SFTPC: variants seen among roughly 807,000 people sequenced by gnomAD.
The protein encoded by SFTPC is BRICHOS domain containing 6.
In SFTPC, 12 loss-of-function variants were observed where a neutral mutation model predicts 19.9. The ratio of observed to expected loss-of-function variants is 0.60; its 90% CI spans 0.39 to 0.98. SFTPC has a LOEUF of 0.98. Ranked by LOEUF, SFTPC falls within the 50% of genes least tolerant of loss-of-function variation. The pLI is 0.00. For missense variants in SFTPC, 219 were observed against 252.2 expected (o/e 0.87, Z 0.89); for synonymous variants, 123 against 103.3 (o/e 1.19, Z -1.16).
intron 4 of SFTPC, 26 bp from the exon 5 acceptor site, chr8:22,163,875 C>A: frequency 6.3e-7 from 1 of 1,597,196 alleles, no homozygotes; most frequent in Non-Finnish European, 8.6e-7. Context: ...TCACTTCCTA[C>A]ATTCCAGATG....
chr8:22,158,846 T>C (rs1411650806), upstream of SFTPC: 1 of 152,266 alleles, frequency 6.6e-6, no homozygotes, highest in African/African-American at 2.4e-5. Context: ...CATCATTGAC[T>C]ATCATTAAGT....
At chr8:22,160,167 G>T (rs1246560343), upstream of SFTPC, among the ~76,000 whole-genome samples, 1 of 152,228 alleles carries the variant, frequency 6.6e-6, no homozygotes. Context: ...GCTTCTCAGG[G>T]GCTCTCAGTT....
At chr8:22,160,547 G>A (rs565689497), upstream of SFTPC, among the ~76,000 whole-genome samples, 2 of 152,306 alleles carry the variant, frequency 1.3e-5, no homozygotes, top group South Asian at 2.1e-4. Context: ...GGAGGTCAAC[G>A]CTGCAGTGAG....
At chr8:22,162,142 G>A (rs981192738) in intron 1 of SFTPC, among the ~76,000 whole-genome samples, 3 of 152,150 alleles carry the variant, frequency 2.0e-5, no homozygotes, top group South Asian at 4.1e-4. Context: ...TCAGAAGTCA[G>A]GGGACACTTC....
intron 3 of SFTPC, 80 bp downstream of exon 3, chr8:22,163,282 C>A: frequency 6.3e-7 from 1 of 1,589,286 alleles, no homozygotes; most frequent in South Asian, 1.1e-5. Context: ...ACTTCATCCA[C>A]ATCCATCTCT....
At chr8:22,160,612 CAACAAAACAA>C (rs75669198), upstream of SFTPC, among the ~76,000 whole-genome samples, 6 of 151,720 alleles carry the variant, frequency 4.0e-5, no homozygotes, top group Non-Finnish European at 5.9e-5. Flanking sequence ...CCCTGTCTCA[CAACAAAACAA>C]AACAAAACAA....
At chr8:22,162,946 T>A in intron 2 of SFTPC, 134 bp from the exon 3 acceptor site, 1 of 1,413,398 alleles carries the variant, frequency 7.1e-7, no homozygotes. Flanking sequence ...CTCCAGCACC[T>A]GGTTCCACTC....
upstream of SFTPC, chr8:22,161,538 G>A (rs80139123): frequency 3.4e-5 from 22 of 643,358 alleles, no homozygotes; most frequent in African/African-American, 3.5e-4. Context: ...GACACCCATG[G>A]TGAGAAGTGC....
chr8:22,162,034 G>T lies in SFTPC; in HGVS notation c.42+164G>T, dbSNP rs530557040. Among the ~76,000 whole-genome samples the T allele has an allele frequency of 3.1e-4, 47 of 152,184 alleles. No homozygotes were observed. The East Asian group carries it at 3.1e-3, about 10-fold the overall frequency. On this transcript the variant is annotated intron_variant, in intron 1 of 5. Transcript: ENST00000679463. ...TGGGGACACCAAGACCACTAAGCCAGGGACCCTTGGGGAGCTGTTTGTGGG... is the reference window on the plus strand; with the variant it reads ...TGGGGACACCAAGACCACTAAGCCATGGACCCTTGGGGAGCTGTTTGTGGG...
upstream of SFTPC, among the ~76,000 whole-genome samples, chr8:22,160,123 G>A (rs1827656957): frequency 6.6e-6 from 1 of 152,222 alleles, no homozygotes; most frequent in African/African-American, 2.4e-5. Context: ...AGGGTGGTGG[G>A]AGCAAACACT....
At chr8:22,159,827 G>C, upstream of SFTPC, 4 of 1,289,482 alleles carry the variant, frequency 3.1e-6, no homozygotes, top group Non-Finnish European at 4.0e-6. Flanking sequence ...CCGCTGGCCA[G>C]CTGCCCACCT....
upstream of SFTPC, among the ~76,000 whole-genome samples, chr8:22,161,036 C>T (rs187195336): frequency 3.7e-3 from 557 of 152,196 alleles, no homozygotes; most frequent in South Asian, 0.017. Flanking sequence ...CAGGGCTGTC[C>T]GGGCAGAAGA....
upstream of SFTPC, among the ~76,000 whole-genome samples, chr8:22,160,029 C>T (rs1322843998): frequency 6.6e-6 from 1 of 152,218 alleles, no homozygotes; most frequent in African/African-American, 2.4e-5. Context: ...TCCCGGCACC[C>T]CTCCCCTCCT....
chr8:22,161,575 A>G (rs1309562594), upstream of SFTPC: 4 of 1,151,358 alleles, frequency 3.5e-6, no homozygotes, highest in South Asian at 4.8e-5. Context: ...AGTTTGCTCA[A>G]CTCACCCAGG....
At chr8:22,163,335 T>C (rs1248806917) in intron 3 of SFTPC, 101 bp from the exon 4 acceptor site, 1 of 1,512,226 alleles carries the variant, frequency 6.6e-7, no homozygotes. Context: ...CAGATTCTAG[T>C]ATGACTCCCG....
chr8:22,161,757 C>T (rs1399439484), upstream of SFTPC: 86 of 1,613,446 alleles, frequency 5.3e-5, no homozygotes, highest in Non-Finnish European at 7.1e-5. Context: ...TGTCCCCTCT[C>T]CCTACGGACA....
upstream of SFTPC, among the ~76,000 whole-genome samples, chr8:22,160,104 G>C (rs540140111): frequency 2.1e-4 from 32 of 152,374 alleles, no homozygotes; most frequent in African/African-American, 6.3e-4. Context: ...GGGCAGCAAG[G>C]GGGTGAGGAG....
Position 22,164,449 on chromosome 8 carries a change from A to G in SFTPC, c.*202A>G. On this transcript the variant is annotated 3_prime_UTR_variant, in exon 6 of 6. Coordinates refer to ENST00000679463, the MANE Select transcript of SFTPC (RefSeq NM_001317778.2). ...CAGGGGCCCGGGAACTCCTGCCACA[A>G]CAGAATAAAGCAGCCTGATTGAAAA... 6.7e-7 allele frequency: 1 copy of G among 1,481,612 alleles called. No individual in the cohort carries two copies. Among genetic ancestry groups the G allele is most frequent in the African/African-American group, 1.4e-5 (1 of 70,846 alleles). The allele number at this position is 1,481,612 out of a possible 1,614,324, so 91.8% of individuals were successfully genotyped here.
At chr8:22,161,898 T>C in intron 1 of SFTPC, 28 bp downstream of exon 1, 3 of 1,607,460 alleles carry the variant, frequency 1.9e-6, no homozygotes, top group East Asian at 4.5e-5. Flanking sequence ...TGTGTATGTA[T>C]GTGTGCGCGC....
Sources: gnomAD v4.1 joint callset for allele counts (sites outside exome capture counted in the v4.1 genomes callset) on GRCh38, gnomAD v4.1.1 for gene constraint, MANE v1.5 for transcripts, NCBI Gene and HGNC (gene_info 2026-07-23, HGNC 2026-07-21) for gene names.